COG4: variants seen among roughly 807,000 people sequenced by gnomAD.
COG4 encodes the protein conserved oligomeric Golgi complex subunit 4.
A neutral mutation model predicts 95.1 loss-of-function variants in COG4; 65 were observed. The observed-to-expected ratio is 0.68, with a 90% confidence interval of 0.56 to 0.84. The LOEUF is 0.84. COG4 is among the 40% of genes least tolerant of loss of function. COG4 has a pLI of 0.00. For synonymous variants in COG4, 421 were observed against 374.8 expected (o/e 1.12, Z -1.42); for missense variants, 1,045 against 989.1 (o/e 1.06, Z -0.76).
intron 3 of COG4, among the ~76,000 whole-genome samples, chr16:70,516,365 C>T (rs1351448258): frequency 1.3e-5 from 2 of 151,550 alleles, no homozygotes; most frequent in South Asian, 2.1e-4. Flanking sequence ...GGCGCCATCT[C>T]GGCTCACTGT....
chr16:70,512,315 C>T lies in COG4; in HGVS notation c.662G>A (p.Arg221His), dbSNP rs758395513. ...TKEGDLPQVE[R>H]FFKIFPLLGL... ...CAGCAGTGGGAAGATCTTGAAGAAG[C>T]GCTCCACCTGGGGCAGATCACCTTC... The change falls in exon 5 of 19, where the codon CGC (arginine) becomes CAC (histidine). Residue 221 changes from arginine (R) to histidine (H), a missense_variant. By Grantham distance (29) the Arg-to-His change is conservative. Transcript: ENST00000323786. 2.4e-5 allele frequency: 39 copies of T among 1,613,994 alleles called. No individual in the cohort carries two copies. The highest frequency in any genetic ancestry group is 1.9e-4 in the African/African-American group (14 of 74,914).
At position 70,483,836 on chromosome 16, in the gene COG4, T is replaced by C; in HGVS notation, c.1827+17A>G. The C allele has an allele frequency of 1.3e-6, 2 of 1,566,824 alleles. No homozygotes were observed. The highest frequency in any genetic ancestry group is 8.8e-7 in the Non-Finnish European group (1 of 1,137,368). On this transcript the variant is annotated intron_variant, in intron 14 of 18. Transcript: ENST00000323786. ...CACAGGCACAGGATTCAGTCAGCAG[T>C]TGAACCTGGGGCTTACCTGCAAGAG...
At chr16:70,483,430 G>A (rs942630654) in intron 14 of COG4, among the ~76,000 whole-genome samples, 1 of 151,340 alleles carries the variant, frequency 6.6e-6, no homozygotes, top group Admixed American at 6.6e-5. Flanking sequence ...GAGGAGCCAG[G>A]AACATGCCCC....
intron 1 of COG4, chr16:70,523,068 C>G (rs1597698746): frequency 4.9e-6 from 2 of 409,616 alleles, no homozygotes; most frequent in East Asian, 4.7e-5. Flanking sequence ...AGCAATTTGG[C>G]AAATACTCTC....
At chr16:70,515,855 G>A (rs575851156) in intron 3 of COG4, 1 of 346,402 alleles carries the variant, frequency 2.9e-6, no homozygotes, top group Non-Finnish European at 5.7e-6. Context: ...ATTTTTGTAG[G>A]ACAGGGTCTT....
At position 70,496,421 on chromosome 16, in the gene COG4, A is replaced by C; in HGVS notation, c.1492T>G (p.Cys498Gly). The change falls in exon 12 of 19, where the codon TGT becomes GGT. Residue 498 changes from cysteine (C) to glycine (G), a missense_variant. By Grantham distance (159) the Cys-to-Gly change is radical. Transcript: ENST00000323786. ...GGAAAGCCCATCCGCAGCTTATTAC[A>C]CAGAACATCCCTGGGGGGCAGGATT... The part of the protein sequence containing the change: ...ELESDFRDVL[C>G]NKLRMGFPAT... The C allele has an allele frequency of 6.2e-7, 1 of 1,614,132 alleles. No homozygotes were observed. The highest frequency in any genetic ancestry group is 8.5e-7 in the Non-Finnish European group (1 of 1,180,026).
At chr16:70,505,825 T>C (rs1365413596) in intron 8 of COG4, among the ~76,000 whole-genome samples, 3 of 151,440 alleles carry the variant, frequency 2.0e-5, no homozygotes, top group East Asian at 2.0e-4. Flanking sequence ...TGAGACTCTG[T>C]CTCAAAAAAA....
Position 70,515,891 on chromosome 16 carries a change from A to C in COG4, c.370-1382T>G, listed in dbSNP as rs1027877896. ...ACTGTGTTCCAAGGTTTGGTCTCCAACTTCTGGCCTCAAGAGATCCTACTG... is the reference window on the plus strand; with the variant it reads ...ACTGTGTTCCAAGGTTTGGTCTCCACCTTCTGGCCTCAAGAGATCCTACTG... On this transcript the variant is annotated intron_variant, in intron 3 of 18. Transcript: ENST00000323786. 1.5e-5 allele frequency: 6 copies of C among 405,804 alleles called. No homozygotes were observed. The East Asian group carries it at 3.6e-4, about 24-fold the overall frequency. The allele number at this position is 405,804 out of a possible 1,614,324, so 25.1% of individuals were successfully genotyped here. A position where few individuals can be genotyped will look rare whatever the true frequency, so the allele number is the denominator to read the frequency against.
intron 8 of COG4, among the ~76,000 whole-genome samples, chr16:70,503,437 C>T (rs1042280834): frequency 3.9e-5 from 6 of 152,166 alleles, no homozygotes; most frequent in African/African-American, 1.4e-4. Context: ...AACAGCCTGA[C>T]TCTAATGATC....
At chr16:70,510,082 C>T in intron 5 of COG4, 61 bp from the exon 6 acceptor site, 1 of 1,393,742 alleles carries the variant, frequency 7.2e-7, no homozygotes, top group East Asian at 2.3e-5. Flanking sequence ...CCAGGTATAT[C>T]TCAGTTTTCC....
At chr16:70,508,776 T>C (rs1010935979) in intron 7 of COG4, 5 of 585,580 alleles carry the variant, frequency 8.5e-6, no homozygotes, top group Non-Finnish European at 1.6e-5. Flanking sequence ...CTCCTATTTC[T>C]ATGTCGTACT....
chr16:70,497,641 C>A (rs1210504316), intron 10 of COG4, among the ~76,000 whole-genome samples: 1 of 152,214 alleles, frequency 6.6e-6, no homozygotes, highest in East Asian at 1.9e-4. Flanking sequence ...AGGGGCCCTA[C>A]TTCCCTGAGG....
At chr16:70,519,120 CTTTTT>C (rs779941972) in intron 2 of COG4, among the ~76,000 whole-genome samples, 1 of 87,830 alleles carries the variant, frequency 1.1e-5, no homozygotes. Context: ...ATTTGCATTT[CTTTTT>C]TTTTTTTTTT....
chr16:70,487,015 G>C (rs892256255), intron 13 of COG4, among the ~76,000 whole-genome samples: 26 of 150,656 alleles, frequency 1.7e-4, no homozygotes, highest in Non-Finnish European at 3.7e-4. Context: ...AAAAAGTCAG[G>C]CATGGTGGCT....
intron 9 of COG4, among the ~76,000 whole-genome samples, chr16:70,500,445 T>A (rs1424436760): frequency 6.7e-6 from 1 of 149,268 alleles, no homozygotes; most frequent in Non-Finnish European, 1.5e-5. Context: ...CTTGGCCCTA[T>A]GCCCCCCAGG....
intron 3 of COG4, among the ~76,000 whole-genome samples, chr16:70,514,878 A>G (rs1459843883): frequency 6.6e-6 from 1 of 150,602 alleles, no homozygotes; most frequent in Non-Finnish European, 1.5e-5. Flanking sequence ...ATGCCTGGCT[A>G]GTTTTTGTAT....
At chr16:70,519,624 C>G (rs2049893149) in intron 2 of COG4, 25 bp downstream of exon 2, 3 of 1,570,312 alleles carry the variant, frequency 1.9e-6, no homozygotes, top group Non-Finnish European at 2.6e-6. Flanking sequence ...TTTACATTAG[C>G]TCTTGCTGAG....
At chr16:70,491,761 T>C (rs2049248725) in intron 12 of COG4, among the ~76,000 whole-genome samples, 1 of 149,672 alleles carries the variant, frequency 6.7e-6, no homozygotes, top group Admixed American at 6.7e-5. Flanking sequence ...GAGGCGTAGG[T>C]TGCAGTGAGC....
intron 13 of COG4, among the ~76,000 whole-genome samples, chr16:70,486,562 T>C (rs1356627082): frequency 3.9e-5 from 6 of 152,234 alleles, no homozygotes; most frequent in African/African-American, 1.4e-4. Flanking sequence ...TTTACGGGAA[T>C]AGGTTTTTCA....
Sources: allele counts gnomAD v4.1 joint callset (sites outside exome capture counted in the v4.1 genomes callset), GRCh38; gene constraint gnomAD v4.1.1; transcripts MANE v1.5; gene names NCBI Gene and HGNC (gene_info 2026-07-23, HGNC 2026-07-21).